The following USP31 variants were observed in gnomAD, a reference collection of about 807,000 sequenced individuals.
The protein encoded by USP31 is ubiquitin carboxyl-terminal hydrolase 31.
In USP31, 44 loss-of-function variants were observed where a neutral mutation model predicts 119.4. The ratio of observed to expected loss-of-function variants is 0.37; its 90% CI spans 0.29 to 0.47. USP31 has a LOEUF of 0.47. Among genes scored for constraint, USP31 ranks in the 20% least tolerant of loss-of-function variants. The pLI is 0.99. For missense variants in USP31, 1,643 were observed against 1,730.2 expected (o/e 0.95, Z 0.89); for synonymous variants, 749 against 705.6 (o/e 1.06, Z -0.97).
intron 1 of USP31, among the ~76,000 whole-genome samples, chr16:23,121,267 C>T (rs190110642): frequency 3.5e-4 from 54 of 152,288 alleles, no homozygotes; most frequent in African/African-American, 7.2e-4. Context: ...ACACAGCCAA[C>T]CCTATGGATA....
chr16:23,069,166 G>C lies in USP31; in HGVS notation c.2939C>G (p.Ser980Cys). The C allele has an allele frequency of 6.2e-7, 1 of 1,614,166 alleles. No homozygotes were observed. The highest frequency in any genetic ancestry group is 2.2e-5 in the East Asian group (1 of 44,884). ...SAQGDRLPPLSGPFDNNNQIA... is the reference protein window; with the variant it reads ...SAQGDRLPPLCGPFDNNNQIA... The stretch of plus-strand genomic sequence containing the variant: ...CTGATTATTGTTATCAAATGGACCA[G>C]AGAGCGGGGGCAGGCGGTCCCCTTG... The change falls in exon 16 of 16, where the codon TCT (serine) becomes TGT (cysteine). Residue 980 changes from serine to cysteine, a missense_variant. Transcript: ENST00000219689.
intron 4 of USP31, 67 bp from the exon 5 acceptor site, chr16:23,105,643 AT>A: frequency 7.0e-7 from 1 of 1,434,236 alleles, no homozygotes; most frequent in Middle Eastern, 2.5e-4. Flanking sequence ...AAGATGCAAA[AT>A]AAACCTGAGA....
intron 1 of USP31, among the ~76,000 whole-genome samples, chr16:23,142,435 T>C (rs1006865539): frequency 1.3e-5 from 2 of 152,134 alleles, no homozygotes; most frequent in Non-Finnish European, 2.9e-5. Flanking sequence ...GAGGAAAAAA[T>C]GTTACACGTT....
chr16:23,081,820 C>G (rs956683349), intron 12 of USP31, among the ~76,000 whole-genome samples: 2 of 152,188 alleles, frequency 1.3e-5, no homozygotes, highest in Admixed American at 6.5e-5. Context: ...TTTGCACACA[C>G]TGCTCTCTCT....
intron 1 of USP31, among the ~76,000 whole-genome samples, chr16:23,118,089 T>C (rs140102507): frequency 1.4e-4 from 21 of 152,254 alleles, no homozygotes; most frequent in African/African-American, 4.8e-4. Context: ...GCACCCGAAC[T>C]TTCTACCATT....
chr16:23,110,709 CA>C (rs1281593483), intron 1 of USP31, among the ~76,000 whole-genome samples: 8 of 152,172 alleles, frequency 5.3e-5, no homozygotes, highest in Admixed American at 2.6e-4. Context: ...TACTCTCCTC[CA>C]AAGTAAAATG....
chr16:23,082,829 C>CTTTTTTTT (rs1388989158), intron 11 of USP31, among the ~76,000 whole-genome samples: 4 of 116,380 alleles, frequency 3.4e-5, no homozygotes, highest in South Asian at 2.7e-4. Flanking sequence ...TTCTTTCTCT[C>CTTTTTTTT]TCTTTTTTTT....
intron 1 of USP31, among the ~76,000 whole-genome samples, chr16:23,113,610 T>C (rs1212180726): frequency 6.6e-6 from 1 of 152,144 alleles, no homozygotes; most frequent in Non-Finnish European, 1.5e-5. Flanking sequence ...ATAATCTCAA[T>C]GAAGCAGAAT....
At chr16:23,090,589 T>C in intron 7 of USP31, 35 bp downstream of exon 7, 5 of 1,567,568 alleles carry the variant, frequency 3.2e-6, no homozygotes, top group Non-Finnish European at 4.4e-6. Context: ...ACTGTTACAG[T>C]CTAGGTACTT....
Position 23,069,151 on chromosome 16 carries a change from T to A in USP31, c.2954A>T (p.Asn985Ile). ...RLPPLSGPFD[N>I]NNQIAYVDQS... is the part of the protein sequence containing the mutation. The stretch of plus-strand genomic sequence containing the variant: ...ATCCACATAAGCGATCTGATTATTG[T>A]TATCAAATGGACCAGAGAGCGGGGG... Residue 985 changes from asparagine (N) to isoleucine (I), a missense_variant, in exon 16 of 16, where the codon AAC (asparagine) becomes ATC (isoleucine). Asn to Ile is a moderately radical substitution (Grantham distance 149). Around this residue, in one of 5 missense-constraint regions of USP31, gnomAD observed 699 missense variants for 650.9 expected, o/e 1.07. Coordinates refer to ENST00000219689, the MANE Select transcript of USP31 (RefSeq NM_020718.4). 6.2e-7 allele frequency: 1 copy of A among 1,614,018 alleles called. No homozygotes were observed. Among genetic ancestry groups the A allele is most frequent in the Non-Finnish European group, 8.5e-7 (1 of 1,180,028 alleles).
chr16:23,082,548 C>G lies in USP31; in HGVS notation c.1840G>C (p.Asp614His). 6.2e-7 allele frequency: 1 copy of G among 1,614,120 alleles called. No homozygotes were observed. Among genetic ancestry groups the G allele is most frequent in the Non-Finnish European group, 8.5e-7 (1 of 1,180,012 alleles). The change falls in exon 12 of 16, where the codon GAT becomes CAT. Residue 614 changes from aspartate (D) to histidine (H), a missense_variant. Physicochemically the swap from Asp to His is moderately conservative, Grantham distance 81. Coordinates refer to ENST00000219689, the MANE Select transcript of USP31 (RefSeq NM_020718.4). ...LYTKEERLAP[D>H]DAWRCPHCKQ... ...CAGTGTGGGCAACGCCAGGCATCAT[C>G]GGGGGCAAGCTGAAAACAGAAGCAT... is the stretch of plus-strand genomic sequence containing the variant.
intron 1 of USP31, among the ~76,000 whole-genome samples, chr16:23,119,280 G>A (rs1902594517): frequency 6.6e-6 from 1 of 151,536 alleles, no homozygotes; most frequent in Non-Finnish European, 1.5e-5. Context: ...TGTATTTTTT[G>A]TAGAGATGGG....
At chr16:23,125,608 G>A (rs757295675) in intron 1 of USP31, among the ~76,000 whole-genome samples, 5 of 152,108 alleles carry the variant, frequency 3.3e-5, no homozygotes, top group East Asian at 3.8e-4. Flanking sequence ...TATTTTCCAC[G>A]AGCTGTTGCT....
Position 23,069,626 on chromosome 16 carries a change from G to A in USP31, c.2489-10C>T, listed in dbSNP as rs1900265859. 2 of 1,591,102 alleles carry A rather than the reference G, an allele frequency of 1.3e-6. No homozygotes were observed. Among genetic ancestry groups the A allele is most frequent in the African/African-American group, 2.7e-5 (2 of 74,316 alleles). On this transcript the variant is annotated splice_polypyrimidine_tract_variant and intron_variant, in intron 15 of 15. Coordinates refer to ENST00000219689, the MANE Select transcript of USP31 (RefSeq NM_020718.4). ...CGAGTTGAAAAGCCTCCTGAACACA[G>A]TAAAGAGAATACTGTTAAGTTAAGC...
At chr16:23,090,341 G>A (rs772189270) in intron 7 of USP31, among the ~76,000 whole-genome samples, 13 of 151,980 alleles carry the variant, frequency 8.6e-5, no homozygotes, top group Non-Finnish European at 1.8e-4. Context: ...AACCGAGATC[G>A]CGCAACTACA....
At chr16:23,110,209 A>AAT (rs940370665) in intron 1 of USP31, among the ~76,000 whole-genome samples, 2 of 152,194 alleles carry the variant, frequency 1.3e-5, no homozygotes, top group South Asian at 4.1e-4. Flanking sequence ...TTTAAATACG[A>AAT]ATATATATAT....
intron 1 of USP31, among the ~76,000 whole-genome samples, chr16:23,138,553 A>T (rs1419602929): frequency 6.6e-6 from 1 of 152,208 alleles, no homozygotes; most frequent in African/African-American, 2.4e-5. Context: ...CTACCTCTGC[A>T]GAATGCCATT....
At chr16:23,118,705 C>G (rs980721394) in intron 1 of USP31, among the ~76,000 whole-genome samples, 1 of 152,184 alleles carries the variant, frequency 6.6e-6, no homozygotes, top group African/African-American at 2.4e-5. Flanking sequence ...CAATACCTAG[C>G]AAATACAGTG....
chr16:23,144,512 C>T lies in USP31; in HGVS notation c.633+4126G>A, dbSNP rs776876989. On this transcript the variant is annotated intron_variant, in intron 1 of 15. Coordinates refer to ENST00000219689, the MANE Select transcript of USP31 (RefSeq NM_020718.4). ...TTCCTTTTTTTGAGGCAGAGTCTCA[C>T]TCTGTCACCCAGGCTGGAGCGCAGT... 2.2e-4 allele frequency among the ~76,000 whole-genome samples: 33 copies of T among 152,028 alleles called. 1 individual carries two copies. Among genetic ancestry groups the T allele is most frequent in the Middle Eastern group, 6.8e-3 (2 of 294 alleles).
Sources: gnomAD v4.1 joint callset for allele counts (sites outside exome capture counted in the v4.1 genomes callset) on GRCh38, gnomAD v4.1.1 for gene constraint, gnomAD v4.1.1 regional missense constraint, MANE v1.5 for transcripts, NCBI Gene and HGNC (gene_info 2026-07-23, HGNC 2026-07-21) for gene names.